The following CLNK variants were observed in gnomAD, a reference collection of about 807,000 sequenced individuals.
The protein encoded by CLNK is cytokine dependent hematopoietic cell linker.
Under a neutral mutation model 68.6 loss-of-function variants are expected in CLNK, and 74 were observed. That is an observed-to-expected ratio of 1.08 (90% CI 0.89 to 1.31). The LOEUF (loss-of-function observed/expected upper bound fraction) is 1.31. Among genes scored for constraint, CLNK ranks in the 50% most tolerant of loss-of-function variants. CLNK has a pLI of 0.00. For missense variants in CLNK, 553 were observed against 515.3 expected, an observed-to-expected ratio of 1.07 and a Z score of -0.71; for synonymous variants, 198 against 172.2, an observed-to-expected ratio of 1.15 and a Z score of -1.17.
intron 2 of CLNK, among the ~76,000 whole-genome samples, chr4:10,633,962 G>C (rs1245519874): frequency 2.0e-5 from 3 of 152,214 alleles, no homozygotes; most frequent in African/African-American, 7.2e-5. Context: ...AGTGAGGTCA[G>C]AATGAGAACT....
chr4:10,555,770 C>T (rs1241519822), intron 8 of CLNK, among the ~76,000 whole-genome samples: 1 of 152,120 alleles, frequency 6.6e-6, no homozygotes, highest in African/African-American at 2.4e-5. Flanking sequence ...AATGTGTTTG[C>T]ATCAAAAATA....
chr4:10,509,338 CA>C (rs1717465348), intron 16 of CLNK, among the ~76,000 whole-genome samples: 1 of 152,122 alleles, frequency 6.6e-6, no homozygotes, highest in African/African-American at 2.4e-5. Context: ...CTCAACCCTG[CA>C]GCCTCACTTC....
chr4:10,723,023 G>A, the CLNK span, among the ~76,000 whole-genome samples: 1 of 151,808 alleles, frequency 6.6e-6, no homozygotes, highest in East Asian at 1.9e-4. Context: ...CAGCCTGGGA[G>A]ACAGAGCGAG....
chr4:10,495,790 T>C (rs1281926303), intron 18 of CLNK, among the ~76,000 whole-genome samples: 1 of 150,306 alleles, frequency 6.7e-6, no homozygotes, highest in Non-Finnish European at 1.5e-5. Context: ...CACGTGACCA[T>C]AGAGAGAGCG....
At chr4:10,554,670 C>T (rs997209941) in intron 8 of CLNK, among the ~76,000 whole-genome samples, 3 of 152,184 alleles carry the variant, frequency 2.0e-5, no homozygotes, top group African/African-American at 7.2e-5. Flanking sequence ...GGCTGAAACA[C>T]ATTTACATCT....
In CLNK at chr4:10,508,923, A is replaced by AC. The variant is rs1717440029; in HGVS notation, c.907-888_907-887insG. On this transcript the variant is annotated intron_variant, in intron 16 of 18. Transcript: ENST00000226951. ...GGAGATCGAGACCATCCTGGCCAAC[A>AC]TGGTGAAACCCCGTCTCTACTAAAA... Among the ~76,000 whole-genome samples, 5 of 152,220 alleles carry AC rather than the reference A, an allele frequency of 3.3e-5. No individual in the cohort carries two copies. In the South Asian group the frequency reaches 8.3e-4, roughly 25 times the overall value.
intron 2 of CLNK, among the ~76,000 whole-genome samples, chr4:10,600,027 A>G (rs560281081): frequency 1.3e-5 from 2 of 152,316 alleles, no homozygotes; most frequent in African/African-American, 4.8e-5. Context: ...CCAAACTCTT[A>G]ACCATGATAG....
intron 3 of CLNK, among the ~76,000 whole-genome samples, chr4:10,586,511 C>T (rs962581524): frequency 5.9e-5 from 9 of 151,866 alleles, no homozygotes; most frequent in Non-Finnish European, 1.0e-4. Context: ...GACGGGGTTT[C>T]ACCATGTTGG....
At chr4:10,503,492 A>T (rs1717144021) in intron 17 of CLNK, among the ~76,000 whole-genome samples, 1 of 149,544 alleles carries the variant, frequency 6.7e-6, no homozygotes, top group Admixed American at 6.7e-5. Context: ...AATATAGATT[A>T]TATATATAAT....
chr4:10,670,427 C>T (rs1331494627), intron 1 of CLNK, among the ~76,000 whole-genome samples: 2 of 152,226 alleles, frequency 1.3e-5, no homozygotes, highest in African/African-American at 4.8e-5. Context: ...ACAAAATAAA[C>T]TAGTCTTTAC....
At chr4:10,722,918 T>C in the CLNK span, among the ~76,000 whole-genome samples, 1 of 152,002 alleles carries the variant, frequency 6.6e-6, no homozygotes, top group Admixed American at 6.5e-5. Context: ...GGTGTGGTGG[T>C]GCATACCTGT....
At chr4:10,624,940 G>A (rs79221354) in intron 2 of CLNK, among the ~76,000 whole-genome samples, 2,717 of 152,224 alleles carry the variant, frequency 0.018, 43 homozygotes, top group Non-Finnish European at 0.027. Flanking sequence ...ACGTTTTCTC[G>A]ATTCTGTTTC....
At chr4:10,646,743 C>T (rs534290545) in intron 2 of CLNK, among the ~76,000 whole-genome samples, 11 of 152,048 alleles carry the variant, frequency 7.2e-5, no homozygotes, top group Admixed American at 2.6e-4. Context: ...ATGTAACTGC[C>T]TATATTCCGC....
chr4:10,542,148 T>C, intron 9 of CLNK, 107 bp from the exon 10 acceptor site: 2 of 1,221,092 alleles, frequency 1.6e-6, no homozygotes, highest in Non-Finnish European at 2.3e-6. Context: ...GTGATCAGAC[T>C]TATAAGACAT....
chr4:10,537,403 G>A (rs1016882556), intron 11 of CLNK, among the ~76,000 whole-genome samples: 22 of 152,244 alleles, frequency 1.4e-4, no homozygotes, highest in African/African-American at 4.8e-4. Context: ...AATTGAACCC[G>A]GGAGGCAGAG....
chr4:10,592,105 C>T (rs1187539556), intron 3 of CLNK, among the ~76,000 whole-genome samples: 4 of 152,136 alleles, frequency 2.6e-5, no homozygotes, highest in African/African-American at 4.8e-5. Flanking sequence ...ACTTCTTACT[C>T]GAATCATGCA....
chr4:10,623,534 A>G (rs1052543886), intron 2 of CLNK, among the ~76,000 whole-genome samples: 4 of 152,184 alleles, frequency 2.6e-5, no homozygotes, highest in Non-Finnish European at 5.9e-5. Flanking sequence ...TAAGCCTCCA[A>G]TTCCTCATCA....
At chr4:10,729,810 A>G in the CLNK span, among the ~76,000 whole-genome samples, 7 of 152,234 alleles carry the variant, frequency 4.6e-5, no homozygotes, top group African/African-American at 1.2e-4. Flanking sequence ...CTTTTTCCCC[A>G]TGATATTTAC....
chr4:10,601,779 C>T (rs1235299541), intron 2 of CLNK, among the ~76,000 whole-genome samples: 1 of 152,182 alleles, frequency 6.6e-6, no homozygotes, highest in Non-Finnish European at 1.5e-5. Flanking sequence ...TCCACTCAGC[C>T]CATCCCACCC....
Sources: gnomAD v4.1 joint callset for allele counts (sites outside exome capture counted in the v4.1 genomes callset) on GRCh38, gnomAD v4.1.1 for gene constraint, MANE v1.5 for transcripts, NCBI Gene and HGNC (gene_info 2026-07-23, HGNC 2026-07-21) for gene names.